The following SORCS2 variants were observed in gnomAD, a reference collection of about 807,000 sequenced individuals.
The protein encoded by SORCS2 is sortilin related VPS10 domain containing receptor 2, also known as VPS10 domain-containing receptor SorCS2.
Under a neutral mutation model 141.6 loss-of-function variants are expected in SORCS2, and 100 were observed. The observed-to-expected ratio is 0.71, with a 90% CI of 0.60 to 0.83. The LOEUF (loss-of-function observed/expected upper bound fraction) is 0.83, where lower values mean the gene tolerates loss of function less well. Ranked by LOEUF, SORCS2 falls within the 40% of genes least tolerant of loss-of-function variation. The probability of loss-of-function intolerance (pLI) is 0.00; values close to 1 mark genes in which losing one functional copy is unlikely to be tolerated. For missense variants in SORCS2, 1,646 were observed against 1,560.2 expected (o/e 1.05, Z -0.93); for synonymous variants, 789 against 676.9 (o/e 1.17, Z -2.57).
chr4:7,197,263 C>T (rs969593239), intron 1 of SORCS2, among the ~76,000 whole-genome samples: 1 of 152,190 alleles, frequency 6.6e-6, no homozygotes, highest in African/African-American at 2.4e-5. Flanking sequence ...AACTTAGTTA[C>T]CTCTTTAAAG....
chr4:7,571,301 G>A (rs780142351), intron 3 of SORCS2, among the ~76,000 whole-genome samples: 1 of 152,250 alleles, frequency 6.6e-6, no homozygotes, highest in Non-Finnish European at 1.5e-5. Context: ...GGCTGGAGAA[G>A]CAGGACCCCT....
chr4:7,694,397 C>G (rs981242304), intron 11 of SORCS2, among the ~76,000 whole-genome samples: 1 of 152,164 alleles, frequency 6.6e-6, no homozygotes, highest in African/African-American at 2.4e-5. Context: ...CAGCCTGCAA[C>G]GTGTTCCGTG....
chr4:7,470,183 T>TCCTCCCATCCTCCCATC (rs1560311059), intron 2 of SORCS2, among the ~76,000 whole-genome samples: 15 of 151,388 alleles, frequency 9.9e-5, no homozygotes, highest in African/African-American at 2.9e-4. Context: ...CATCCTCCCA[T>TCCTCCCATCCTCCCATC]CCTCCCATCC....
chr4:7,553,877 C>G lies in SORCS2; in HGVS notation c.648+22248C>G, dbSNP rs143927258. 9.7e-3 allele frequency among the ~76,000 whole-genome samples: 1,474 copies of G among 152,296 alleles called. 22 individuals are homozygous for G. Among genetic ancestry groups the G allele is most frequent in the African/African-American group, 0.033 (1,361 of 41,560 alleles). ...CTGATACAGAGGGAGGTCAGAGGCA[C>G]AACTTCATCACATTAGTTGATGTGA... On this transcript the variant is annotated intron_variant, in intron 3 of 26. Transcript: ENST00000507866.
intron 20 of SORCS2, 65 bp downstream of exon 20, chr4:7,725,352 GC>G: frequency 6.5e-7 from 1 of 1,546,176 alleles, no homozygotes. Context: ...GCACAGTGGG[GC>G]AGAGCATGGC....
At chr4:7,467,889 G>A (rs1729716623) in intron 2 of SORCS2, among the ~76,000 whole-genome samples, 1 of 152,232 alleles carries the variant, frequency 6.6e-6, no homozygotes, top group South Asian at 2.1e-4. Context: ...TCCCTGGGAG[G>A]CTCAAGCCCC....
At chr4:7,602,464 T>C (rs1274945598) in intron 3 of SORCS2, among the ~76,000 whole-genome samples, 3 of 148,516 alleles carry the variant, frequency 2.0e-5, no homozygotes, top group Non-Finnish European at 4.4e-5. Context: ...GAGGCGCTCC[T>C]CACATCCCAG....
At chr4:7,666,996 C>G (rs1722543824) in intron 7 of SORCS2, 128 bp from the exon 8 acceptor site, 1 of 818,010 alleles carries the variant, frequency 1.2e-6, no homozygotes, top group East Asian at 2.5e-5. Flanking sequence ...TCATTTCAAG[C>G]AGAACAGGTA....
intron 3 of SORCS2, among the ~76,000 whole-genome samples, chr4:7,551,213 G>A (rs993255232): frequency 6.6e-6 from 1 of 152,210 alleles, no homozygotes; most frequent in African/African-American, 2.4e-5. Flanking sequence ...TCTCAGCGGA[G>A]CCTCCTCCCC....
chr4:7,326,251 G>A (rs1324295833), intron 1 of SORCS2, among the ~76,000 whole-genome samples: 1 of 152,082 alleles, frequency 6.6e-6, no homozygotes, highest in Non-Finnish European at 1.5e-5. Flanking sequence ...AGGAGGGTGT[G>A]GGGGTGCTCA....
intron 4 of SORCS2, among the ~76,000 whole-genome samples, chr4:7,638,892 G>A (rs147976194): frequency 1.3e-5 from 2 of 152,344 alleles, no homozygotes; most frequent in Non-Finnish European, 2.9e-5. Context: ...TTCCCTCAGT[G>A]TGGAATGTTC....
chr4:7,484,975 G>GCTGCCCAT (rs33940080), intron 2 of SORCS2, among the ~76,000 whole-genome samples: 1 of 342 alleles, frequency 2.9e-3, no homozygotes, highest in African/African-American at 3.6e-3. Context: ...CTGCTGTCCC[G>GCTGCCCAT]GCCCTCCCCA....
chr4:7,618,679 G>A (rs1320118989), intron 3 of SORCS2, among the ~76,000 whole-genome samples: 2 of 151,986 alleles, frequency 1.3e-5, no homozygotes, highest in African/African-American at 4.8e-5. Context: ...AGGCTTTTCT[G>A]CCTCAGGAAC....
chr4:7,403,640 T>C (rs1021538436), intron 2 of SORCS2, among the ~76,000 whole-genome samples: 23 of 152,152 alleles, frequency 1.5e-4, no homozygotes, highest in African/African-American at 5.5e-4. Context: ...ACGGTAGGAT[T>C]TATCAGCGTC....
chr4:7,403,977 ATATATATATATATATATATATTTTT>A (rs1206921727), intron 2 of SORCS2, among the ~76,000 whole-genome samples: 2 of 14,930 alleles, frequency 1.3e-4, no homozygotes, highest in African/African-American at 7.0e-4. Context: ...ATATATATAT[ATATATATATATATATATATATTTTT>A]TTTTTTTTTT....
chr4:7,218,871 A>C (rs1225769517), intron 1 of SORCS2, among the ~76,000 whole-genome samples: 1 of 151,778 alleles, frequency 6.6e-6, no homozygotes, highest in Non-Finnish European at 1.5e-5. Context: ...TAAAACCCAA[A>C]CTCTTTCTCT....
In SORCS2 at chr4:7,741,555, C is replaced by T. The variant is rs945409726; in HGVS notation, c.*1291C>T. 6 of 304,844 alleles carry T rather than the reference C, an allele frequency of 2.0e-5. No individual in the cohort carries two copies. Among genetic ancestry groups the T allele is most frequent in the Non-Finnish European group, 3.6e-5 (6 of 167,712 alleles). 18.9% of individuals were successfully genotyped at this position (304,844 alleles called of 1,614,324 possible). On this transcript the variant is annotated 3_prime_UTR_variant, in exon 27 of 27. Coordinates refer to ENST00000507866, the MANE Select transcript of SORCS2 (RefSeq NM_020777.3). ...GGGATCTCAGATGACCGTGGCCTCCCTCTCAGAGGGGGAGAACGCCAGAGC... is the reference window on the plus strand; with the variant it reads ...GGGATCTCAGATGACCGTGGCCTCCTTCTCAGAGGGGGAGAACGCCAGAGC...
intron 1 of SORCS2, among the ~76,000 whole-genome samples, chr4:7,216,619 C>G (rs1172107737): frequency 6.6e-6 from 1 of 152,182 alleles, no homozygotes; most frequent in Non-Finnish European, 1.5e-5. Context: ...ATGCTCCTTA[C>G]TCCCATCCCT....
At chr4:7,243,758 C>A (rs752085793) in intron 1 of SORCS2, among the ~76,000 whole-genome samples, 4 of 152,374 alleles carry the variant, frequency 2.6e-5, no homozygotes, top group South Asian at 2.1e-4. Context: ...GGGATCCCCC[C>A]CCACAAACCC....
Sources: allele counts gnomAD v4.1 joint callset (sites outside exome capture counted in the v4.1 genomes callset), GRCh38; gene constraint gnomAD v4.1.1; transcripts MANE v1.5; gene names NCBI Gene and HGNC (gene_info 2026-07-23, HGNC 2026-07-21).